THSD7B: variants seen among roughly 807,000 people sequenced by gnomAD.
THSD7B encodes thrombospondin type 1 domain containing 7B.
In THSD7B, 138 loss-of-function variants were observed where a neutral mutation model predicts 213.6. The observed-to-expected ratio is 0.65, with a 90% confidence interval of 0.56 to 0.74. THSD7B has a LOEUF of 0.74. THSD7B is among the 30% of genes least tolerant of loss of function. THSD7B has a pLI of 0.00. For synonymous variants in THSD7B, 742 were observed against 687.0 expected, an observed-to-expected ratio of 1.08 and a Z score of -1.25; for missense variants, 1,931 against 1,991.5, an observed-to-expected ratio of 0.97 and a Z score of 0.58.
At position 137,518,589 on chromosome 2, in the gene THSD7B, C is replaced by T. The variant is rs568632990; in HGVS notation, c.3139-44632C>T. Among the ~76,000 whole-genome samples the T allele has an allele frequency of 3.9e-5, 6 of 152,298 alleles. No homozygotes were observed. In the East Asian group the frequency reaches 5.8e-4, roughly 15 times the overall value. The stretch of plus-strand genomic sequence containing the variant: ...AAGATATTTGTATCCTATATGAGTG[C>T]TCACCAACGGGTGACCTCAGCAAAG... On this transcript the variant is annotated intron_variant, in intron 15 of 27. Transcript: ENST00000409968.
At chr2:137,090,344 T>G (rs1457927907) in intron 3 of THSD7B, among the ~76,000 whole-genome samples, 4 of 152,038 alleles carry the variant, frequency 2.6e-5, no homozygotes, top group Non-Finnish European at 5.9e-5. Flanking sequence ...TTGAACCAAA[T>G]GTTAGTTTTG....
intron 7 of THSD7B, among the ~76,000 whole-genome samples, chr2:137,194,866 A>G (rs559710383): frequency 6.6e-6 from 1 of 152,278 alleles, no homozygotes; most frequent in African/African-American, 2.4e-5. Flanking sequence ...CATCTGCATA[A>G]ACATTTTCTT....
chr2:136,911,422 C>G (rs574944478), intron 2 of THSD7B, among the ~76,000 whole-genome samples: 2 of 152,270 alleles, frequency 1.3e-5, no homozygotes, highest in East Asian at 3.9e-4. Context: ...TATTGATAAA[C>G]TCTCCCTTAA....
At chr2:136,901,689 T>TC (rs1030654657) in intron 2 of THSD7B, among the ~76,000 whole-genome samples, 5 of 152,152 alleles carry the variant, frequency 3.3e-5, no homozygotes, top group African/African-American at 1.2e-4. Context: ...AAGGAGAAAT[T>TC]CCCCCCAGGG....
intron 2 of THSD7B, among the ~76,000 whole-genome samples, chr2:137,003,893 C>T (rs933066056): frequency 3.9e-5 from 6 of 152,170 alleles, no homozygotes; most frequent in African/African-American, 1.4e-4. Context: ...TGACATTTAT[C>T]AGACTTTACC....
At chr2:136,886,895 A>G (rs188751775) in intron 2 of THSD7B, among the ~76,000 whole-genome samples, 1 of 152,286 alleles carries the variant, frequency 6.6e-6, no homozygotes, top group Non-Finnish European at 1.5e-5. Context: ...ATGGGGTCTG[A>G]ATTCAGGAGA....
At chr2:137,309,139 A>T (rs1412750189) in intron 12 of THSD7B, among the ~76,000 whole-genome samples, 1 of 152,054 alleles carries the variant, frequency 6.6e-6, no homozygotes, top group Admixed American at 6.5e-5. Context: ...CTCATTCTTC[A>T]TTCCTTTAGC....
chr2:136,959,360 T>A (rs1685181080), intron 2 of THSD7B, among the ~76,000 whole-genome samples: 1 of 152,212 alleles, frequency 6.6e-6, no homozygotes, highest in Admixed American at 6.5e-5. Context: ...TTCACTCCCA[T>A]TTATAGCATA....
intron 1 of THSD7B, among the ~76,000 whole-genome samples, chr2:136,813,776 T>A (rs566414146): frequency 6.4e-4 from 97 of 152,338 alleles, no homozygotes; most frequent in South Asian, 1.5e-3. Context: ...ATGGAGATGA[T>A]CAAGTTATTT....
chr2:137,464,051 C>T (rs1037500574), intron 15 of THSD7B, among the ~76,000 whole-genome samples: 1 of 151,954 alleles, frequency 6.6e-6, no homozygotes, highest in Non-Finnish European at 1.5e-5. Context: ...GAGGTTTAGA[C>T]CATAGGAATA....
chr2:137,675,222 G>C (rs1048911012), intron 27 of THSD7B, among the ~76,000 whole-genome samples: 1 of 151,834 alleles, frequency 6.6e-6, no homozygotes, highest in African/African-American at 2.4e-5. Context: ...GTTGCCTTTT[G>C]GCACGATGAA....
intron 15 of THSD7B, among the ~76,000 whole-genome samples, chr2:137,518,174 TC>T (rs1680110465): frequency 6.6e-6 from 1 of 152,168 alleles, no homozygotes; most frequent in Admixed American, 6.5e-5. Context: ...CCCTGCCTTC[TC>T]TTCCCCAGCC....
intron 15 of THSD7B, among the ~76,000 whole-genome samples, chr2:137,521,427 A>T (rs138685183): frequency 6.6e-6 from 1 of 152,204 alleles, no homozygotes; most frequent in East Asian, 1.9e-4. Flanking sequence ...AATTGTAATA[A>T]GTCATGTGGA....
chr2:137,235,597 T>A lies in THSD7B; in HGVS notation c.2150+2464T>A, dbSNP rs193104237. Among the ~76,000 whole-genome samples the A allele has an allele frequency of 3.9e-5, 6 of 152,304 alleles. No individual in the cohort carries two copies. In the East Asian group the frequency reaches 9.6e-4, roughly 24 times the overall value. ...ATTATTACTTTGAATCACAGTTTCA[T>A]GAAGGTTTCTGAGCACATCAGCTTA... On this transcript the variant is annotated intron_variant, in intron 9 of 27. Coordinates refer to ENST00000409968, the MANE Select transcript of THSD7B (RefSeq NM_001316349.2).
intron 2 of THSD7B, among the ~76,000 whole-genome samples, chr2:137,021,416 G>A (rs537047686): frequency 6.6e-6 from 1 of 152,282 alleles, no homozygotes; most frequent in Non-Finnish European, 1.5e-5. Flanking sequence ...CCTGAACAGT[G>A]TGCATTAAGT....
At chr2:137,057,334 G>T in intron 3 of THSD7B, 104 bp downstream of exon 3, 3 of 1,195,510 alleles carry the variant, frequency 2.5e-6, no homozygotes, top group Non-Finnish European at 3.4e-6. Flanking sequence ...TGGCAACGAG[G>T]TTTATAATTT....
intron 25 of THSD7B, 109 bp from the exon 26 acceptor site, chr2:137,663,274 A>G: frequency 1.1e-6 from 1 of 913,276 alleles, no homozygotes; most frequent in Non-Finnish European, 1.5e-6. Flanking sequence ...CCCAAACCCT[A>G]CATTGCCATG....
chr2:136,832,370 G>T lies in THSD7B; in HGVS notation c.-35-49774G>T, dbSNP rs143585891. On this transcript the variant is annotated intron_variant, in intron 1 of 27. Coordinates refer to ENST00000409968, the MANE Select transcript of THSD7B (RefSeq NM_001316349.2). The stretch of plus-strand genomic sequence containing the variant: ...AGAACCAGGGGGGTGGATGGTTTAA[G>T]TCTCAGTCTGAGGACAGGAGAAGAC... Among the ~76,000 whole-genome samples, 178 of 152,236 alleles carry T rather than the reference G, an allele frequency of 1.2e-3. 1 individual carries two copies. The East Asian group carries it at 0.029, about 25-fold the overall frequency.
chr2:137,499,257 T>C (rs946828376), intron 15 of THSD7B, among the ~76,000 whole-genome samples: 2 of 152,222 alleles, frequency 1.3e-5, no homozygotes, highest in Non-Finnish European at 2.9e-5. Context: ...CAGTGTACAG[T>C]TCCTCTTTTA....
Sources: gnomAD v4.1 joint callset for allele counts (sites outside exome capture counted in the v4.1 genomes callset) on GRCh38, gnomAD v4.1.1 for gene constraint, MANE v1.5 for transcripts, NCBI Gene and HGNC (gene_info 2026-07-23, HGNC 2026-07-21) for gene names.